The following SNTG1 variants were observed in gnomAD, a reference collection of about 807,000 sequenced individuals.
SNTG1 encodes the protein gamma-1-syntrophin.
In SNTG1, 39 loss-of-function variants were observed where a neutral mutation model predicts 74.7. That is an observed-to-expected ratio of 0.52 (90% CI 0.40 to 0.68). The LOEUF (loss-of-function observed/expected upper bound fraction) is 0.68, where lower values mean the gene tolerates loss of function less well. SNTG1 is among the 30% of genes least tolerant of loss of function. The probability of loss-of-function intolerance (pLI) is 0.00; values close to 1 mark genes in which losing one functional copy is unlikely to be tolerated. For synonymous variants in SNTG1, 254 were observed against 217.1 expected, an observed-to-expected ratio of 1.17 and a Z score of -1.49; for missense variants, 685 against 609.5, an observed-to-expected ratio of 1.12 and a Z score of -1.30.
chr8:50,355,443 A>T (rs997243959), intron 2 of SNTG1, among the ~76,000 whole-genome samples: 1 of 152,142 alleles, frequency 6.6e-6, no homozygotes, highest in Non-Finnish European at 1.5e-5. Flanking sequence ...TTTGATAATT[A>T]TGTTAGTATT....
intron 1 of SNTG1, among the ~76,000 whole-genome samples, chr8:49,936,824 T>G (rs1415845788): frequency 2.6e-5 from 4 of 152,210 alleles, no homozygotes; most frequent in Non-Finnish European, 5.9e-5. Context: ...AAATACTTAT[T>G]GATACATGCA....
At chr8:50,570,387 T>C (rs2094541603) in intron 12 of SNTG1, among the ~76,000 whole-genome samples, 1 of 147,162 alleles carries the variant, frequency 6.8e-6, no homozygotes, top group African/African-American at 2.5e-5. Context: ...GCCTGCGGAG[T>C]AGCTGGGACT....
chr8:50,510,824 T>C (rs1051463522), intron 9 of SNTG1, among the ~76,000 whole-genome samples: 4 of 151,624 alleles, frequency 2.6e-5, no homozygotes, highest in African/African-American at 9.7e-5. Context: ...TTATTAGTCT[T>C]GCTAGCGGTC....
chr8:50,088,266 G>C (rs1349571256), intron 1 of SNTG1, among the ~76,000 whole-genome samples: 3 of 149,802 alleles, frequency 2.0e-5, no homozygotes, highest in Non-Finnish European at 4.4e-5. Context: ...AAAATAATAA[G>C]AGCTATCTAT....
chr8:49,989,380 A>G (rs1350986653), intron 1 of SNTG1, among the ~76,000 whole-genome samples: 4 of 151,944 alleles, frequency 2.6e-5, no homozygotes, highest in African/African-American at 7.2e-5. Context: ...AAATGATATA[A>G]ACTATAGAAA....
chr8:50,022,057 A>G (rs1816872998), intron 1 of SNTG1, among the ~76,000 whole-genome samples: 1 of 152,302 alleles, frequency 6.6e-6, no homozygotes, highest in African/African-American at 2.4e-5. Context: ...GTAATTCAAA[A>G]ATTCAGCATA....
chr8:50,435,774 C>A (rs1587620993), intron 4 of SNTG1, among the ~76,000 whole-genome samples: 1 of 152,156 alleles, frequency 6.6e-6, no homozygotes, highest in Non-Finnish European at 1.5e-5. Context: ...TTTAATAAAA[C>A]ATTAAGATAA....
chr8:49,984,921 T>C (rs568259173), intron 1 of SNTG1, among the ~76,000 whole-genome samples: 25 of 152,206 alleles, frequency 1.6e-4, no homozygotes, highest in African/African-American at 4.1e-4. Context: ...AAGCAATCTG[T>C]TCTTCTGTTG....
intron 11 of SNTG1, 55 bp from the exon 12 acceptor site, chr8:50,552,995 T>C: frequency 1.2e-6 from 2 of 1,602,612 alleles, no homozygotes; most frequent in Non-Finnish European, 1.7e-6. Context: ...TATTACGAGC[T>C]GCAAATAGAT....
At chr8:50,074,849 G>C (rs1821692985) in intron 1 of SNTG1, among the ~76,000 whole-genome samples, 1 of 152,128 alleles carries the variant, frequency 6.6e-6, no homozygotes, top group South Asian at 2.1e-4. Context: ...GCTTGCGAGG[G>C]AGTGGGGAAG....
At chr8:50,711,544 C>T (rs1346701629) in intron 17 of SNTG1, among the ~76,000 whole-genome samples, 1 of 152,156 alleles carries the variant, frequency 6.6e-6, no homozygotes, top group African/African-American at 2.4e-5. Context: ...GAAAGAATTG[C>T]TGCATCTCTC....
chr8:50,686,023 A>T (rs942535455), intron 15 of SNTG1, among the ~76,000 whole-genome samples: 2 of 152,158 alleles, frequency 1.3e-5, no homozygotes, highest in African/African-American at 4.8e-5. Flanking sequence ...GATATGCTCT[A>T]GTTTTGTAGT....
chr8:50,190,655 G>A (rs1197423908), intron 2 of SNTG1, among the ~76,000 whole-genome samples: 1 of 152,084 alleles, frequency 6.6e-6, no homozygotes, highest in African/African-American at 2.4e-5. Flanking sequence ...GTGTTTGCTA[G>A]TGCCTTTTAG....
chr8:50,795,683 C>T lies in SNTG1; in HGVS notation c.*2854C>T, dbSNP rs774677926. ...GGTATTTAGGTCAGAGAATGAAGTT[C>T]AAAGTCATTTGAAAACTGCTAACTA... On this transcript the variant is annotated 3_prime_UTR_variant, in exon 19 of 19. Transcript: ENST00000642720. 6.6e-6 allele frequency: 1 copy of T among 151,908 alleles called. No individual in the cohort carries two copies. The highest frequency in any genetic ancestry group is 1.5e-5 in the Non-Finnish European group (1 of 67,940). 9.4% of individuals were successfully genotyped at this position (151,908 alleles called of 1,614,324 possible).
chr8:50,571,307 C>T (rs1337852002), intron 12 of SNTG1, among the ~76,000 whole-genome samples: 1 of 152,186 alleles, frequency 6.6e-6, no homozygotes, highest in Non-Finnish European at 1.5e-5. Flanking sequence ...CTCCCTGGGA[C>T]CTGCCTCCTG....
chr8:50,472,690 ACTT>A (rs2093662756), intron 8 of SNTG1, among the ~76,000 whole-genome samples: 1 of 152,126 alleles, frequency 6.6e-6, no homozygotes, highest in Non-Finnish European at 1.5e-5. Flanking sequence ...AAAATGAAAA[ACTT>A]CTGTGCATCA....
chr8:50,016,029 A>G (rs1389915753), intron 1 of SNTG1, among the ~76,000 whole-genome samples: 1 of 152,116 alleles, frequency 6.6e-6, no homozygotes, highest in Non-Finnish European at 1.5e-5. Context: ...TGCAGTTTTC[A>G]GTGCATCACA....
chr8:49,979,828 G>A (rs1298272305), intron 1 of SNTG1, among the ~76,000 whole-genome samples: 1 of 152,236 alleles, frequency 6.6e-6, no homozygotes, highest in Non-Finnish European at 1.5e-5. Flanking sequence ...ACAGCTGTGC[G>A]TGCGTGTGTG....
chr8:50,044,502 A>T (rs944912091), intron 1 of SNTG1, among the ~76,000 whole-genome samples: 1 of 152,158 alleles, frequency 6.6e-6, no homozygotes, highest in Non-Finnish European at 1.5e-5. Flanking sequence ...TTTTCATTTG[A>T]TCATTCTCTA....
Sources: allele counts gnomAD v4.1 joint callset (sites outside exome capture counted in the v4.1 genomes callset), GRCh38; gene constraint gnomAD v4.1.1; transcripts MANE v1.5; gene names NCBI Gene and HGNC (gene_info 2026-07-23, HGNC 2026-07-21).